The following BTBD9 variants were observed in gnomAD, a reference collection of about 807,000 sequenced individuals.
BTBD9 encodes BTB/POZ domain-containing protein 9.
In BTBD9, 49 loss-of-function variants were observed where a neutral mutation model predicts 64.3. The ratio of observed to expected loss-of-function variants is 0.76; its 90% CI spans 0.61 to 0.97. BTBD9 has a LOEUF of 0.97. Ranked by LOEUF, BTBD9 falls within the 50% of genes least tolerant of loss-of-function variation. BTBD9 has a pLI of 0.00. For synonymous variants in BTBD9, 260 were observed against 274.7 expected (o/e 0.95, Z 0.53); for missense variants, 598 against 762.1 (o/e 0.78, Z 2.53).
chr6:38,399,600 C>T (rs1766836230), intron 6 of BTBD9, among the ~76,000 whole-genome samples: 1 of 151,774 alleles, frequency 6.6e-6, no homozygotes, highest in South Asian at 2.1e-4. Context: ...ATCCAAGAAT[C>T]CATCTATTCT....
intron 6 of BTBD9, among the ~76,000 whole-genome samples, chr6:38,457,148 G>A (rs892176024): frequency 2.0e-5 from 3 of 152,178 alleles, no homozygotes; most frequent in East Asian, 3.8e-4. Flanking sequence ...GAATGAGATA[G>A]GAGATGAGGA....
intron 8 of BTBD9, among the ~76,000 whole-genome samples, chr6:38,258,686 T>C (rs978309127): frequency 4.6e-5 from 7 of 152,232 alleles, no homozygotes; most frequent in East Asian, 1.9e-4. Context: ...ATCTGGAGAT[T>C]GAGACCATCC....
intron 8 of BTBD9, among the ~76,000 whole-genome samples, chr6:38,287,105 A>AAAAAACACACAC (rs1554135407): frequency 1.0e-5 from 1 of 100,242 alleles, no homozygotes; most frequent in African/African-American, 4.1e-5. Context: ...AAAAAAAAAA[A>AAAAAACACACAC]ATATACACAC....
intron 6 of BTBD9, among the ~76,000 whole-genome samples, chr6:38,415,678 C>T (rs951489505): frequency 6.6e-6 from 1 of 152,116 alleles, no homozygotes; most frequent in African/African-American, 2.4e-5. Context: ...CAGTTATTAC[C>T]TAAATAACTT....
chr6:38,542,588 T>G (rs555146260), intron 6 of BTBD9, among the ~76,000 whole-genome samples: 1 of 152,310 alleles, frequency 6.6e-6, no homozygotes, highest in African/African-American at 2.4e-5. Context: ...CCCATAGTAT[T>G]TTTATAAACT....
intron 9 of BTBD9, among the ~76,000 whole-genome samples, chr6:38,239,888 G>T (rs9470834): frequency 0.1 from 15,568 of 152,166 alleles, 1,172 homozygotes; most frequent in East Asian, 0.45. Context: ...AACTGCAAGT[G>T]CTCATCACAA....
At chr6:38,430,901 G>A (rs1472197709) in intron 6 of BTBD9, among the ~76,000 whole-genome samples, 2 of 151,870 alleles carry the variant, frequency 1.3e-5, no homozygotes, top group East Asian at 3.9e-4. Flanking sequence ...GGTCTGTCCT[G>A]GTCTTACTCT....
chr6:38,389,025 G>A (rs1336317222), intron 6 of BTBD9, among the ~76,000 whole-genome samples: 1 of 152,142 alleles, frequency 6.6e-6, no homozygotes, highest in Admixed American at 6.5e-5. Flanking sequence ...TCTATGTAAT[G>A]TACCAAACTC....
chr6:38,575,970 A>G (rs1210298813), intron 6 of BTBD9, among the ~76,000 whole-genome samples: 13 of 152,236 alleles, frequency 8.5e-5, no homozygotes, highest in African/African-American at 3.1e-4. Context: ...TCTAAAAGCC[A>G]GAGATCATGA....
intron 6 of BTBD9, among the ~76,000 whole-genome samples, chr6:38,423,093 C>T (rs1000499819): frequency 6.6e-6 from 1 of 152,074 alleles, no homozygotes. Context: ...GGTAAAACCT[C>T]GTCTCTACTA....
chr6:38,426,547 G>A (rs769099465), intron 6 of BTBD9, among the ~76,000 whole-genome samples: 8 of 151,864 alleles, frequency 5.3e-5, no homozygotes, highest in Admixed American at 1.3e-4. Flanking sequence ...TTTTGCCGCC[G>A]TCGCAGACCC....
At position 38,273,750 on chromosome 6, in the gene BTBD9, G is replaced by A. The variant is rs114107395; in HGVS notation, c.1454+14522C>T. Among the ~76,000 whole-genome samples the A allele has an allele frequency of 8.8e-3, 1,338 of 152,046 alleles. 10 individuals carry two copies. The highest frequency in any genetic ancestry group is 0.017 in the Middle Eastern group (5 of 294). On this transcript the variant is annotated intron_variant, in intron 8 of 10. Coordinates refer to ENST00000481247, the MANE Select transcript of BTBD9 (RefSeq NM_001099272.2). ...AAAGATTCTTACTCTTACTGCCCTA[G>A]GAAACAAAAAATAAGGGTATCCAAG...
intron 6 of BTBD9, among the ~76,000 whole-genome samples, chr6:38,386,116 T>C (rs1215565323): frequency 6.6e-6 from 1 of 152,190 alleles, no homozygotes; most frequent in African/African-American, 2.4e-5. Context: ...TTCTAATCTT[T>C]ATAATATTAT....
At chr6:38,372,686 C>T (rs1765474480) in intron 6 of BTBD9, among the ~76,000 whole-genome samples, 1 of 152,186 alleles carries the variant, frequency 6.6e-6, no homozygotes, top group South Asian at 2.1e-4. Flanking sequence ...CCTAGAATGG[C>T]TGTTCAGACC....
intron 7 of BTBD9, among the ~76,000 whole-genome samples, chr6:38,294,139 G>A (rs1213989194): frequency 1.3e-5 from 2 of 152,192 alleles, no homozygotes; most frequent in Non-Finnish European, 2.9e-5. Flanking sequence ...ATGCCAGTTA[G>A]AATGGCGATC....
At chr6:38,378,316 T>C (rs1478566326) in intron 6 of BTBD9, among the ~76,000 whole-genome samples, 2 of 151,090 alleles carry the variant, frequency 1.3e-5, no homozygotes, top group Admixed American at 1.3e-4. Context: ...TGATCTTGGC[T>C]CACTGCAACC....
At chr6:38,391,823 T>C (rs7756267) in intron 6 of BTBD9, among the ~76,000 whole-genome samples, 56,821 of 151,902 alleles carry the variant, frequency 0.37, 12,881 homozygotes, top group East Asian at 0.87. Flanking sequence ...GGCAGCTGGG[T>C]TTTTGCTCCT....
chr6:38,400,615 C>G lies in BTBD9; in HGVS notation c.1155-55522G>C, dbSNP rs139963409. Among the ~76,000 whole-genome samples, 490 of 152,222 alleles carry G rather than the reference C, an allele frequency of 3.2e-3. 4 individuals are homozygous for G. Among genetic ancestry groups the G allele is most frequent in the African/African-American group, 0.012 (479 of 41,520 alleles). On this transcript the variant is annotated intron_variant, in intron 6 of 10. Transcript: ENST00000481247. ...AATCCTTCTCAGGTTCTTTTGCACC[C>G]TTATCCTTTTTCATTCACTCCAATC...
chr6:38,599,756 G>A (rs1453827821), intron 1 of BTBD9, among the ~76,000 whole-genome samples: 2 of 152,210 alleles, frequency 1.3e-5, no homozygotes, highest in African/African-American at 4.8e-5. Context: ...GACTGCAATG[G>A]AAGATCTTCA....
Sources: allele counts gnomAD v4.1 joint callset (sites outside exome capture counted in the v4.1 genomes callset), GRCh38; gene constraint gnomAD v4.1.1; transcripts MANE v1.5; gene names NCBI Gene and HGNC (gene_info 2026-07-23, HGNC 2026-07-21).